The following SMYD1 variants were observed in gnomAD, a reference collection of about 807,000 sequenced individuals.
The protein encoded by SMYD1 is SET and MYND domain containing 1, also known as histone-lysine N-methyltransferase SMYD1.
In SMYD1, 49 loss-of-function variants were observed where a neutral mutation model predicts 54.0. That is an observed-to-expected ratio of 0.91 (90% CI 0.72 to 1.15). The LOEUF is 1.15. SMYD1 is among the 50% of genes most tolerant of loss of function. The pLI is 0.00. For synonymous variants in SMYD1, 269 were observed against 234.2 expected, an observed-to-expected ratio of 1.15 and a Z score of -1.36; for missense variants, 653 against 639.6, an observed-to-expected ratio of 1.02 and a Z score of -0.23.
At chr2:88,096,426 G>A (rs1266007593) in intron 5 of SMYD1, among the ~76,000 whole-genome samples, 169 bp from the exon 6 acceptor site, 1 of 152,202 alleles carries the variant, frequency 6.6e-6, no homozygotes, top group South Asian at 2.1e-4. Context: ...GAATTACCCA[G>A]AAAATCATCC....
intron 1 of SMYD1, among the ~76,000 whole-genome samples, chr2:88,072,804 G>T (rs1340046833): frequency 6.6e-6 from 1 of 152,118 alleles, no homozygotes; most frequent in African/African-American, 2.4e-5. Flanking sequence ...ATAATATGTT[G>T]TGAACAACTT....
At chr2:88,097,802 G>GAC (rs1674627789) in intron 6 of SMYD1, among the ~76,000 whole-genome samples, 2 of 124,348 alleles carry the variant, frequency 1.6e-5, no homozygotes, top group Non-Finnish European at 3.8e-5. Flanking sequence ...AACATTAAAA[G>GAC]GCACACACAC....
At chr2:88,106,189 T>C in intron 7 of SMYD1, 136 bp from the exon 8 acceptor site, 1 of 1,189,142 alleles carries the variant, frequency 8.4e-7, no homozygotes. Flanking sequence ...CCCAAACCTG[T>C]GCTTTCCCAC....
At chr2:88,086,432 C>T (rs577258436) in intron 2 of SMYD1, among the ~76,000 whole-genome samples, 1 of 152,312 alleles carries the variant, frequency 6.6e-6, no homozygotes, top group South Asian at 2.1e-4. Context: ...AGCTTCATCA[C>T]AGGCCACCTA....
In SMYD1 at chr2:88,101,773, T is replaced by A. The variant is rs939890169; in HGVS notation, c.889-1285T>A. ...GACGTGTGCCACTATACCTGGCTAATTTTTGTATTTGTAGTAGAGCTTGGA... is the reference window on the plus strand; with the variant it reads ...GACGTGTGCCACTATACCTGGCTAAATTTTGTATTTGTAGTAGAGCTTGGA... On this transcript the variant is annotated intron_variant, in intron 6 of 9. Transcript: ENST00000419482. Among the ~76,000 whole-genome samples the A allele has an allele frequency of 3.3e-5, 5 of 152,240 alleles. No individual in the cohort carries two copies. In the East Asian group the frequency reaches 9.7e-4, roughly 29 times the overall value.
At chr2:88,071,486 A>AAT (rs1558845214) in intron 1 of SMYD1, among the ~76,000 whole-genome samples, 1 of 152,176 alleles carries the variant, frequency 6.6e-6, no homozygotes, top group Non-Finnish European at 1.5e-5. Flanking sequence ...AGAGAGCAAG[A>AAT]ATAAAGCTGG....
chr2:88,093,583 C>G, intron 5 of SMYD1, 28 bp downstream of exon 5: 1 of 1,613,898 alleles, frequency 6.2e-7, no homozygotes, highest in Non-Finnish European at 8.5e-7. Flanking sequence ...AGCATCCCTG[C>G]TCCTCTGACC....
intron 6 of SMYD1, among the ~76,000 whole-genome samples, chr2:88,102,258 G>C (rs1674738284): frequency 6.6e-6 from 1 of 152,126 alleles, no homozygotes; most frequent in African/African-American, 2.4e-5. Context: ...TTCTTGTTTG[G>C]ACTTTGAGAA....
At position 88,112,314 on chromosome 2, in the gene SMYD1, T is replaced by A. The variant is rs531622205; in HGVS notation, c.*1802T>A. On this transcript the variant is annotated 3_prime_UTR_variant, in exon 10 of 10. Coordinates refer to ENST00000419482, the MANE Select transcript of SMYD1 (RefSeq NM_198274.4). ...ATATTCGTAGTCTTTTTTTCCATCC[T>A]ATCTTTCTAATATTTGTTGTCTTTA... 9.9e-6 allele frequency: 6 copies of A among 604,210 alleles called. No individual in the cohort carries two copies. The East Asian group carries it at 1.4e-4, about 14-fold the overall frequency. 37.4% of individuals were successfully genotyped at this position (604,210 alleles called of 1,614,324 possible). A position where few individuals can be genotyped will look rare whatever the true frequency, so the allele number is the denominator to read the frequency against.
At chr2:88,068,041 G>T in intron 1 of SMYD1, 40 bp downstream of exon 1, 1 of 1,590,308 alleles carries the variant, frequency 6.3e-7, no homozygotes. Context: ...CTGTTAGTTT[G>T]GCTGGGGCCA....
chr2:88,090,232 A>T (rs1008046128), intron 3 of SMYD1, among the ~76,000 whole-genome samples: 3 of 152,210 alleles, frequency 2.0e-5, no homozygotes, highest in African/African-American at 7.2e-5. Flanking sequence ...GAGGGCATAA[A>T]TGTCTACTGA....
chr2:88,075,246 C>T (rs1674032650), intron 1 of SMYD1, among the ~76,000 whole-genome samples: 1 of 152,146 alleles, frequency 6.6e-6, no homozygotes, highest in Admixed American at 6.5e-5. Context: ...CTCAATAATT[C>T]TTAAATCCAG....
intron 1 of SMYD1, among the ~76,000 whole-genome samples, chr2:88,080,875 C>A (rs972969869): frequency 6.6e-6 from 1 of 151,430 alleles, no homozygotes; most frequent in Admixed American, 6.6e-5. Flanking sequence ...CACAAAGGAG[C>A]TTTTGAGCTG....
intron 1 of SMYD1, among the ~76,000 whole-genome samples, chr2:88,081,393 C>T (rs963094297): frequency 1.3e-5 from 2 of 151,608 alleles, no homozygotes; most frequent in African/African-American, 4.8e-5. Flanking sequence ...TTTGAGAAAG[C>T]TTGGGAGGTT....
chr2:88,102,602 C>T (rs147976752), intron 6 of SMYD1, among the ~76,000 whole-genome samples: 1 of 152,202 alleles, frequency 6.6e-6, no homozygotes, highest in African/African-American at 2.4e-5. Context: ...TCCCTGGGCT[C>T]TGTCTTCAGC....
At chr2:88,068,155 C>T (rs1236642339) in intron 1 of SMYD1, among the ~76,000 whole-genome samples, 154 bp downstream of exon 1, 1 of 152,074 alleles carries the variant, frequency 6.6e-6, no homozygotes, top group Non-Finnish European at 1.5e-5. Flanking sequence ...TTTTCTGGCA[C>T]AAATTTTTCT....
intron 6 of SMYD1, among the ~76,000 whole-genome samples, chr2:88,099,729 A>C (rs1279472339): frequency 6.6e-6 from 1 of 151,962 alleles, no homozygotes; most frequent in Non-Finnish European, 1.5e-5. Flanking sequence ...TCTCAAAAAA[A>C]AAAAGAAGAA....
At position 88,091,105 on chromosome 2, in the gene SMYD1, T is replaced by A; in HGVS notation, c.622T>A (p.Cys208Ser). 6.2e-7 allele frequency: 1 copy of A among 1,614,196 alleles called. No individual in the cohort carries two copies. The highest frequency in any genetic ancestry group is 8.5e-7 in the Non-Finnish European group (1 of 1,180,026). Residue 208 changes from cysteine (C) to serine (S), a missense_variant, in exon 4 of 10, where the codon TGT becomes AGT. Cys to Ser is a moderately radical substitution (Grantham distance 112). Transcript: ENST00000419482. ...CAACCTGGGCCTGGTGAACCATGAC[T>A]GTTGGCCCAACTGTACTGTCATATT... ...FPNLGLVNHD[C>S]WPNCTVIFNN...
At chr2:88,103,241 C>A (rs538385601) in intron 7 of SMYD1, 91 bp downstream of exon 7, 4 of 432,696 alleles carry the variant, frequency 9.2e-6, no homozygotes, top group Non-Finnish European at 1.3e-5. Flanking sequence ...GAACGGGCGG[C>A]GGGGGAGGGG....
Sources: gnomAD v4.1 joint callset for allele counts (sites outside exome capture counted in the v4.1 genomes callset) on GRCh38, gnomAD v4.1.1 for gene constraint, MANE v1.5 for transcripts, NCBI Gene and HGNC (gene_info 2026-07-23, HGNC 2026-07-21) for gene names.